NEDD4L: variants seen among roughly 807,000 people sequenced by gnomAD.
The protein encoded by NEDD4L is E3 ubiquitin-protein ligase NEDD4-like.
In NEDD4L, 54 loss-of-function variants were observed where a neutral mutation model predicts 148.9. The observed-to-expected ratio is 0.36, with a 90% confidence interval of 0.29 to 0.45. The LOEUF is 0.45. Among genes scored for constraint, NEDD4L ranks in the 20% least tolerant of loss-of-function variants. NEDD4L has a pLI of 1.00. For synonymous variants in NEDD4L, 433 were observed against 440.7 expected (o/e 0.98, Z 0.22); for missense variants, 856 against 1,233.8 (o/e 0.69, Z 4.59).
Position 58,346,203 on chromosome 18 carries a change from C to T in NEDD4L, c.1575+3100C>T, listed in dbSNP as rs557956010. On this transcript the variant is annotated intron_variant, in intron 16 of 30. Transcript: ENST00000400345. Reference sequence around the variant, plus strand: ...GTTCCATCCTCAGCAGCTCAGAGCACGTGTATACGGGTTGAGTATCCCTAG... The same window carrying T: ...GTTCCATCCTCAGCAGCTCAGAGCATGTGTATACGGGTTGAGTATCCCTAG... 1.8e-4 allele frequency among the ~76,000 whole-genome samples: 28 copies of T among 152,224 alleles called. No individual in the cohort carries two copies. The South Asian group carries it at 3.1e-3, about 17-fold the overall frequency.
chr18:58,215,055 G>A (rs571409066), intron 2 of NEDD4L, among the ~76,000 whole-genome samples: 44 of 152,110 alleles, frequency 2.9e-4, no homozygotes, highest in African/African-American at 8.9e-4. Flanking sequence ...CAAGTGATCC[G>A]TCTGCCTTGG....
rs1391116996 is a variant in NEDD4L at position 58,256,928 on chromosome 18, T to C, written c.297+4874T>C. Among the ~76,000 whole-genome samples, 2 of 152,226 alleles carry C rather than the reference T, an allele frequency of 1.3e-5. No homozygotes were observed. Among genetic ancestry groups the C allele is most frequent in the African/African-American group, 4.8e-5 (2 of 41,464 alleles). On this transcript the variant is annotated intron_variant, in intron 5 of 30. Coordinates refer to ENST00000400345, the MANE Select transcript of NEDD4L (RefSeq NM_001144967.3). This position sits in a 1 kb window ranked among gnomAD's most constrained non-coding sequence, Gnocchi z 5.2. ...TTTGGCCGAGTTCTGGCACGATGAT[T>C]TGTGGTCCAGTGTTTGGTGCGCAAA...
chr18:58,237,668 TTTTTATTAGCACATA>T (rs2046188199), intron 2 of NEDD4L, among the ~76,000 whole-genome samples: 1 of 152,230 alleles, frequency 6.6e-6, no homozygotes. Context: ...TAATAAAATA[TTTTTATTAGCACATA>T]TTTTATTAGT....
chr18:58,264,360 C>T (rs1413817799), intron 5 of NEDD4L, among the ~76,000 whole-genome samples: 1 of 152,026 alleles, frequency 6.6e-6, no homozygotes, highest in Non-Finnish European at 1.5e-5. Context: ...GCATTTTTCT[C>T]CAGCTAATGT....
chr18:58,106,842 G>A (rs914761039), intron 1 of NEDD4L, among the ~76,000 whole-genome samples: 2 of 152,152 alleles, frequency 1.3e-5, no homozygotes, highest in Non-Finnish European at 2.9e-5. Context: ...ACTTGAGCCA[G>A]GATCTGAACC....
intron 1 of NEDD4L, among the ~76,000 whole-genome samples, chr18:58,133,951 TGA>T (rs1322371136): frequency 6.6e-6 from 1 of 152,186 alleles, no homozygotes; most frequent in Non-Finnish European, 1.5e-5. Context: ...ATTGTAGGGA[TGA>T]GAGTGTGAGG....
intron 2 of NEDD4L, chr18:58,195,534 C>G: frequency 7.5e-7 from 1 of 1,341,132 alleles, no homozygotes; most frequent in Non-Finnish European, 9.8e-7. Flanking sequence ...GCGGGAGCGG[C>G]TGCAGAGCCC....
intron 5 of NEDD4L, chr18:58,255,891 G>A: frequency 1.6e-6 from 2 of 1,232,080 alleles, no homozygotes; most frequent in Non-Finnish European, 2.0e-6. Context: ...ATCGACGCCC[G>A]CCCCACGTGC....
chr18:58,340,430 A>G (rs989981086), intron 13 of NEDD4L, among the ~76,000 whole-genome samples: 1 of 152,174 alleles, frequency 6.6e-6, no homozygotes, highest in African/African-American at 2.4e-5. Flanking sequence ...GGGTGCTGGG[A>G]GACTTCCTGA....
rs369223937 is a variant in NEDD4L, at chr18:58,179,692, A to T, written c.122+13831A>T. Among the ~76,000 whole-genome samples, 38 of 152,008 alleles carry T rather than the reference A, an allele frequency of 2.5e-4. 1 individual carries two copies. In the East Asian group the frequency reaches 4.4e-3, roughly 18 times the overall value. ...TTTGCATGTGAGGGATCTAGGTTGC[A>T]CACTCCTTATGAGAATCTAACGCCT... On this transcript the variant is annotated intron_variant, in intron 2 of 30. Transcript: ENST00000400345.
chr18:58,116,539 G>T (rs1349690018), intron 1 of NEDD4L, among the ~76,000 whole-genome samples: 4 of 152,204 alleles, frequency 2.6e-5, no homozygotes, highest in Non-Finnish European at 5.9e-5. Context: ...CAGCTCATGG[G>T]TTGTAAACTG....
At chr18:58,205,789 G>T (rs1599690118) in intron 2 of NEDD4L, among the ~76,000 whole-genome samples, 1 of 150,694 alleles carries the variant, frequency 6.6e-6, no homozygotes, top group African/African-American at 2.4e-5. Flanking sequence ...ATATAGTTTT[G>T]GTCTAACCCA....
At chr18:58,320,114 T>A (rs1448025532) in intron 6 of NEDD4L, among the ~76,000 whole-genome samples, 1 of 152,218 alleles carries the variant, frequency 6.6e-6, no homozygotes, top group Non-Finnish European at 1.5e-5. Flanking sequence ...AGACTCAGGT[T>A]CAGAGTCCCT....
At chr18:58,059,088 C>T (rs2082211543) in intron 1 of NEDD4L, among the ~76,000 whole-genome samples, 1 of 152,144 alleles carries the variant, frequency 6.6e-6, no homozygotes, top group African/African-American at 2.4e-5. Context: ...CTCCTATTTT[C>T]TTCTTCTTTC....
intron 2 of NEDD4L, among the ~76,000 whole-genome samples, chr18:58,184,332 C>T (rs1483065308): frequency 6.8e-6 from 1 of 146,478 alleles, no homozygotes; most frequent in Non-Finnish European, 1.5e-5. Flanking sequence ...CTCTTGGTTT[C>T]CACCAGCAGC....
intron 1 of NEDD4L, among the ~76,000 whole-genome samples, chr18:58,109,049 A>G (rs1404061688): frequency 6.6e-6 from 1 of 152,226 alleles, no homozygotes; most frequent in Non-Finnish European, 1.5e-5. Flanking sequence ...ACTTCTTAAA[A>G]TATTTTTATT....
intron 1 of NEDD4L, among the ~76,000 whole-genome samples, chr18:58,123,204 A>G (rs111270637): frequency 4.3e-4 from 66 of 152,308 alleles, no homozygotes; most frequent in African/African-American, 1.5e-3. Context: ...GTCTCTTCAC[A>G]GAGTATCCAC....
intron 11 of NEDD4L, among the ~76,000 whole-genome samples, chr18:58,332,526 T>C (rs1223515807): frequency 1.3e-5 from 2 of 152,146 alleles, no homozygotes; most frequent in South Asian, 4.1e-4. Context: ...GGTGCACCTG[T>C]AGTTCCAGTT....
intron 2 of NEDD4L, among the ~76,000 whole-genome samples, chr18:58,192,641 T>C (rs2040235237): frequency 6.6e-6 from 1 of 152,206 alleles, no homozygotes; most frequent in South Asian, 2.1e-4. Flanking sequence ...CCTAGCTGAA[T>C]GCAGGCATCT....
Sources: allele counts gnomAD v4.1 joint callset (sites outside exome capture counted in the v4.1 genomes callset), GRCh38; gene constraint gnomAD v4.1.1; non-coding constraint Gnocchi (gnomAD v3.1); transcripts MANE v1.5; gene names NCBI Gene and HGNC (gene_info 2026-07-23, HGNC 2026-07-21).